Variants in ADGRG6 observed in about 807,000 individuals in gnomAD.
ADGRG6 encodes the protein G-protein coupled receptor 126.
ADGRG6 carries 84 observed loss-of-function variants against 142.4 expected under a neutral mutation model. The observed-to-expected ratio is 0.59, with a 90% CI of 0.49 to 0.71. ADGRG6 has a LOEUF of 0.71. Among genes scored for constraint, ADGRG6 ranks in the 30% least tolerant of loss-of-function variants. ADGRG6 has a pLI of 0.00. For synonymous variants in ADGRG6, 521 were observed against 520.5 expected, an observed-to-expected ratio of 1.00 and a Z score of -0.01; for missense variants, 1,367 against 1,466.6, an observed-to-expected ratio of 0.93 and a Z score of 1.11.
intron 2 of ADGRG6, among the ~76,000 whole-genome samples, chr6:142,316,308 A>C (rs1385527404): frequency 6.6e-6 from 1 of 152,164 alleles, no homozygotes. Flanking sequence ...TTTGTACTAG[A>C]GCTCAGAAGA....
At chr6:142,383,036 A>T (rs1258693640) in intron 5 of ADGRG6, among the ~76,000 whole-genome samples, 1 of 152,054 alleles carries the variant, frequency 6.6e-6, no homozygotes, top group African/African-American at 2.4e-5. Flanking sequence ...TGGTTTTCAA[A>T]TTGTTATATG....
chr6:142,316,352 T>C (rs1447911802), intron 2 of ADGRG6, among the ~76,000 whole-genome samples: 1 of 152,098 alleles, frequency 6.6e-6, no homozygotes, highest in Non-Finnish European at 1.5e-5. Flanking sequence ...ATCAGGATCT[T>C]TTTTCTAATA....
chr6:142,405,995 G>A (rs973720562), intron 15 of ADGRG6, among the ~76,000 whole-genome samples, 167 bp downstream of exon 15: 2 of 151,966 alleles, frequency 1.3e-5, no homozygotes, highest in African/African-American at 4.8e-5. Context: ...TTTTATTTCA[G>A]ATAATATGCT....
At chr6:142,319,252 G>T (rs905089436) in intron 2 of ADGRG6, among the ~76,000 whole-genome samples, 6 of 152,110 alleles carry the variant, frequency 3.9e-5, no homozygotes, top group Admixed American at 3.3e-4. Context: ...GTGACTGAGG[G>T]TTGGTGAATC....
rs143721590 is a variant in ADGRG6 at position 142,344,522 on chromosome 6, G to C, written c.104-23047G>C. On this transcript the variant is annotated intron_variant, in intron 2 of 24. Transcript: ENST00000367609. ...AAACAGTGTGGATGAACATTTAAAG[G>C]CTTCTGATTTCTAGGATTTAAGGGA... Among the ~76,000 whole-genome samples the C allele has an allele frequency of 1.9e-3, 287 of 152,004 alleles. 3 individuals carry two copies. The highest frequency in any genetic ancestry group is 0.017 in the Admixed American group (264 of 15,246).
intron 2 of ADGRG6, among the ~76,000 whole-genome samples, chr6:142,366,282 A>G (rs1780938443): frequency 6.6e-6 from 1 of 152,210 alleles, no homozygotes; most frequent in Non-Finnish European, 1.5e-5. Flanking sequence ...TTATACTGAG[A>G]ACAAATAGTG....
In ADGRG6 at chr6:142,377,518, G is replaced by A. The variant is rs1191654569; in HGVS notation, c.1070-4433G>A. On this transcript the variant is annotated intron_variant, in intron 4 of 24. Transcript: ENST00000367609. ...TTGTGGGGCGGGTGGGAGATTCTCC[G>A]GGCGCCCCTTTTTATCTGCCTAGAC... Among the ~76,000 whole-genome samples the A allele has an allele frequency of 4.6e-5, 7 of 152,178 alleles. No individual in the cohort carries two copies. In the South Asian group the frequency reaches 8.3e-4, roughly 18 times the overall value.
intron 22 of ADGRG6, among the ~76,000 whole-genome samples, chr6:142,432,593 C>T (rs1777264098): frequency 6.6e-6 from 1 of 152,018 alleles, no homozygotes; most frequent in Admixed American, 6.6e-5. Context: ...TATTGAGTGC[C>T]TGTATATTTA....
chr6:142,331,595 C>T (rs2114666758), intron 2 of ADGRG6, among the ~76,000 whole-genome samples: 1 of 152,204 alleles, frequency 6.6e-6, no homozygotes, highest in African/African-American at 2.4e-5. Context: ...TGAAAATAGT[C>T]CTGAAATGCA....
At chr6:142,436,048 G>A (rs541692994) in intron 22 of ADGRG6, among the ~76,000 whole-genome samples, 1 of 152,266 alleles carries the variant, frequency 6.6e-6, no homozygotes, top group South Asian at 2.1e-4. Context: ...TGGGATGTGA[G>A]ATGCTGCCAA....
At position 142,335,133 on chromosome 6, in the gene ADGRG6, A is replaced by G. The variant is rs569940560; in HGVS notation, c.103+25489A>G. ...ACAGGCAAATATTCTTGTTTATTAC[A>G]GGTGATCGGAGGATAGTATTGAGAA... On this transcript the variant is annotated intron_variant, in intron 2 of 24. Coordinates refer to ENST00000367609, the MANE Select transcript of ADGRG6 (RefSeq NM_198569.3). 3.5e-4 allele frequency among the ~76,000 whole-genome samples: 53 copies of G among 152,328 alleles called. 1 individual carries two copies. In the South Asian group the frequency reaches 8.1e-3, roughly 23 times the overall value.
intron 7 of ADGRG6, among the ~76,000 whole-genome samples, chr6:142,390,855 C>T (rs978366451): frequency 5.9e-5 from 9 of 151,758 alleles, no homozygotes; most frequent in African/African-American, 1.9e-4. Context: ...GAAAATTAAA[C>T]TATAGATTCT....
At chr6:142,334,521 G>A (rs537366489) in intron 2 of ADGRG6, among the ~76,000 whole-genome samples, 1 of 152,306 alleles carries the variant, frequency 6.6e-6, no homozygotes, top group East Asian at 1.9e-4. Flanking sequence ...GCTACAGGAA[G>A]TATGTCTTGG....
chr6:142,329,839 C>G (rs1261929354), intron 2 of ADGRG6, among the ~76,000 whole-genome samples: 1 of 152,110 alleles, frequency 6.6e-6, no homozygotes, highest in Non-Finnish European at 1.5e-5. Context: ...AGTGCAATGA[C>G]AACAGTCACA....
chr6:142,348,435 G>A (rs1780008269), intron 2 of ADGRG6, among the ~76,000 whole-genome samples: 2 of 152,040 alleles, frequency 1.3e-5, no homozygotes, highest in East Asian at 1.9e-4. Flanking sequence ...GTAAAAAAAA[G>A]GAAAACAAAA....
chr6:142,345,857 GTAA>G, intron 2 of ADGRG6, among the ~76,000 whole-genome samples: 1 of 152,278 alleles, frequency 6.6e-6, no homozygotes, highest in South Asian at 2.1e-4. Context: ...TTGGTTTCTA[GTAA>G]TCCATTAAAT....
Position 142,370,791 on chromosome 6 carries a change from G to A in ADGRG6, c.1067G>A (p.Cys356Tyr). The A allele has an allele frequency of 6.2e-7, 1 of 1,608,316 alleles. No individual in the cohort carries two copies. Among genetic ancestry groups the A allele is most frequent in the Non-Finnish European group, 8.5e-7 (1 of 1,175,992 alleles). ...CTGAAAGCTGAAAGCAACCTAAGCT[G>A]TGGTGAGTTTGTAGCGTATTCCTTT... ...LALKAESNLS[C>Y]GSYLIPLPAA... Residue 356 changes from cysteine to tyrosine, a missense_variant and splice_region_variant, in exon 4 of 25, where the codon TGT (cysteine) becomes TAT (tyrosine). Physicochemically the swap from Cys to Tyr is radical, Grantham distance 194 (BLOSUM62 -2). Transcript: ENST00000367609.
intron 4 of ADGRG6, 165 bp downstream of exon 4, chr6:142,370,958 A>G: frequency 1.4e-6 from 1 of 703,116 alleles, no homozygotes; most frequent in African/African-American, 1.8e-5. Context: ...AATTTTTAAA[A>G]TGTCGTCTGC....
intron 15 of ADGRG6, among the ~76,000 whole-genome samples, chr6:142,407,477 A>G (rs1775866970): frequency 6.6e-6 from 1 of 152,224 alleles, no homozygotes; most frequent in Non-Finnish European, 1.5e-5. Flanking sequence ...GAAATTCAGG[A>G]GATTTGACAA....
Sources: allele counts gnomAD v4.1 joint callset (sites outside exome capture counted in the v4.1 genomes callset), GRCh38; gene constraint gnomAD v4.1.1; transcripts MANE v1.5; gene names NCBI Gene and HGNC (gene_info 2026-07-23, HGNC 2026-07-21).